The following TENM2 variants were observed in gnomAD, a reference collection of about 807,000 sequenced individuals.
The protein encoded by TENM2 is teneurin-2.
TENM2 carries 52 observed loss-of-function variants against 245.2 expected under a neutral mutation model. The observed-to-expected ratio is 0.21, with a 90% confidence interval of 0.17 to 0.27. The LOEUF is 0.27. Among genes scored for constraint, TENM2 ranks in the 10% least tolerant of loss-of-function variants. TENM2 has a pLI of 1.00. For synonymous variants in TENM2, 1,363 were observed against 1,438.9 expected (o/e 0.95, Z 1.19); for missense variants, 3,046 against 3,666.8 (o/e 0.83, Z 4.37).
At chr5:167,031,941 T>C in the TENM2 span, among the ~76,000 whole-genome samples, 5 of 152,296 alleles carry the variant, frequency 3.3e-5, no homozygotes, top group South Asian at 1.0e-3. Flanking sequence ...ATTCATTTCA[T>C]AGGTTGAGGC....
intron 2 of TENM2, among the ~76,000 whole-genome samples, chr5:167,547,060 C>A (rs753992189): frequency 6.6e-6 from 1 of 152,100 alleles, no homozygotes; most frequent in Non-Finnish European, 1.5e-5. Context: ...TTTGATAGAC[C>A]AGCATCTGTC....
intron 2 of TENM2, among the ~76,000 whole-genome samples, chr5:167,637,966 A>G (rs1419772501): frequency 6.8e-6 from 1 of 146,136 alleles, no homozygotes; most frequent in Non-Finnish European, 1.5e-5. Context: ...GTATCCCAGA[A>G]CTTAAAGTAA....
chr5:167,702,751 G>A (rs542490522), intron 2 of TENM2, among the ~76,000 whole-genome samples: 73 of 151,788 alleles, frequency 4.8e-4, no homozygotes, highest in African/African-American at 1.7e-3. Flanking sequence ...TGCAACCTCC[G>A]CCTCCTGGGC....
At chr5:167,334,210 C>T (rs1235543619) in intron 1 of TENM2, among the ~76,000 whole-genome samples, 1 of 152,082 alleles carries the variant, frequency 6.6e-6, no homozygotes, top group East Asian at 1.9e-4. Flanking sequence ...TACTAAAGTT[C>T]ACTTAGTTAG....
chr5:167,605,114 G>A (rs948000585), intron 2 of TENM2, among the ~76,000 whole-genome samples: 1 of 152,076 alleles, frequency 6.6e-6, no homozygotes, highest in Non-Finnish European at 1.5e-5. Context: ...GCCACATCAC[G>A]CATATGCTCC....
chr5:167,419,521 A>G (rs1763366284), intron 2 of TENM2, among the ~76,000 whole-genome samples: 1 of 152,166 alleles, frequency 6.6e-6, no homozygotes, highest in Non-Finnish European at 1.5e-5. Context: ...TAGAACGACA[A>G]AATTTCATCA....
chr5:167,079,077 A>G, the TENM2 span, among the ~76,000 whole-genome samples: 1 of 152,082 alleles, frequency 6.6e-6, no homozygotes, highest in Non-Finnish European at 1.5e-5. Flanking sequence ...GGATTATTCA[A>G]ATATTTTGGC....
the TENM2 span, among the ~76,000 whole-genome samples, chr5:167,039,079 G>A: frequency 6.6e-6 from 1 of 152,130 alleles, no homozygotes; most frequent in African/African-American, 2.4e-5. Context: ...GTGGGAGAAA[G>A]ACTCTATTTA....
intron 17 of TENM2, among the ~76,000 whole-genome samples, chr5:168,200,627 C>T (rs773266977): frequency 4.6e-5 from 7 of 152,152 alleles, no homozygotes; most frequent in African/African-American, 9.7e-5. Flanking sequence ...ATTTTCCAGA[C>T]GGAGCACTTG....
chr5:167,439,946 A>G (rs768954084), intron 2 of TENM2, among the ~76,000 whole-genome samples: 3 of 152,228 alleles, frequency 2.0e-5, no homozygotes, highest in Non-Finnish European at 4.4e-5. Flanking sequence ...ATTTAGTTAT[A>G]TAATAAAGGA....
rs185240753 is a variant in TENM2 at position 167,820,166 on chromosome 5, C to T, written c.503-55820C>T. ...TGTGGTGGCCATATTTTAATTCCCT[C>T]TTGGCTTCTAATAGATGAGTTGGGA... On this transcript the variant is annotated intron_variant, in intron 2 of 28. Coordinates refer to ENST00000518659, the Ensembl canonical transcript of TENM2. Among the ~76,000 whole-genome samples, 507 of 152,206 alleles carry T rather than the reference C, an allele frequency of 3.3e-3. 6 individuals carry two copies. The highest frequency in any genetic ancestry group is 8.7e-3 in the Admixed American group (133 of 15,284).
chr5:167,567,570 TG>T (rs553606928), intron 2 of TENM2, among the ~76,000 whole-genome samples: 14 of 152,094 alleles, frequency 9.2e-5, no homozygotes, highest in Non-Finnish European at 2.1e-4. Context: ...TATAAACGAT[TG>T]GGGGAAAACG....
At chr5:168,110,248 C>CTTTA (rs757937572) in intron 9 of TENM2, among the ~76,000 whole-genome samples, 5 of 151,942 alleles carry the variant, frequency 3.3e-5, no homozygotes, top group Non-Finnish European at 5.9e-5. Flanking sequence ...GGAAAGGGTG[C>CTTTA]TTTACCCTGT....
chr5:167,291,267 C>T (rs2127719737), intron 1 of TENM2, among the ~76,000 whole-genome samples: 1 of 152,298 alleles, frequency 6.6e-6, no homozygotes, highest in South Asian at 2.1e-4. Flanking sequence ...ACTTCAGTGG[C>T]CACTATTTCT....
intron 13 of TENM2, among the ~76,000 whole-genome samples, chr5:168,164,873 T>G (rs1758077411): frequency 6.6e-6 from 1 of 152,230 alleles, no homozygotes. Flanking sequence ...AGTCATTGAA[T>G]TCTAGGGATA....
At chr5:168,023,023 C>T (rs1297118853) in intron 5 of TENM2, among the ~76,000 whole-genome samples, 1 of 152,174 alleles carries the variant, frequency 6.6e-6, no homozygotes, top group Non-Finnish European at 1.5e-5. Flanking sequence ...TTTGCTTGGC[C>T]ACCACAGCTC....
At chr5:167,588,474 C>T (rs1775657043) in intron 2 of TENM2, among the ~76,000 whole-genome samples, 1 of 152,156 alleles carries the variant, frequency 6.6e-6, no homozygotes, top group Middle Eastern at 3.4e-3. Context: ...ATGTAGTGAC[C>T]AATACAATTA....
At chr5:167,449,529 T>C (rs1002935604) in intron 2 of TENM2, among the ~76,000 whole-genome samples, 6 of 145,254 alleles carry the variant, frequency 4.1e-5, no homozygotes, top group Admixed American at 3.4e-4. Flanking sequence ...GATAGATAGA[T>C]AGATAGATAG....
intron 12 of TENM2, among the ~76,000 whole-genome samples, chr5:168,147,304 A>G (rs1337287185): frequency 6.6e-6 from 1 of 152,182 alleles, no homozygotes; most frequent in African/African-American, 2.4e-5. Flanking sequence ...TGCTGTGGGA[A>G]CCATCATTTC....
Sources: gnomAD v4.1 joint callset for allele counts (sites outside exome capture counted in the v4.1 genomes callset) on GRCh38, gnomAD v4.1.1 for gene constraint, MANE v1.5 for transcripts, NCBI Gene and HGNC (gene_info 2026-07-23, HGNC 2026-07-21) for gene names.